Variants in SNTG1 observed in about 807,000 individuals in gnomAD.
SNTG1 encodes the protein gamma-1-syntrophin.
SNTG1 carries 39 observed loss-of-function variants against 74.7 expected under a neutral mutation model. That is an observed-to-expected ratio of 0.52 (90% CI 0.40 to 0.68). The LOEUF is 0.68. SNTG1 is among the 30% of genes least tolerant of loss of function. The pLI is 0.00. For missense variants in SNTG1, 685 were observed against 609.5 expected (o/e 1.12, Z -1.30); for synonymous variants, 254 against 217.1 (o/e 1.17, Z -1.49).
At chr8:50,457,759 G>T (rs959623917) in intron 8 of SNTG1, among the ~76,000 whole-genome samples, 1 of 152,178 alleles carries the variant, frequency 6.6e-6, no homozygotes, top group Admixed American at 6.5e-5. Context: ...GCGAATGGGA[G>T]TGTTGAAAGG....
At chr8:50,462,874 T>C (rs1307145532) in intron 8 of SNTG1, among the ~76,000 whole-genome samples, 2 of 138,042 alleles carry the variant, frequency 1.4e-5, no homozygotes, top group African/African-American at 5.5e-5. Context: ...TGGAGTGCAA[T>C]GACACGATCT....
At chr8:50,503,544 G>T (rs934299518) in intron 9 of SNTG1, among the ~76,000 whole-genome samples, 11 of 152,188 alleles carry the variant, frequency 7.2e-5, no homozygotes, top group African/African-American at 2.6e-4. Flanking sequence ...TAACAGCCCA[G>T]AAATGACTAC....
chr8:50,671,347 GA>G (rs1198317019), intron 15 of SNTG1, among the ~76,000 whole-genome samples: 1 of 151,438 alleles, frequency 6.6e-6, no homozygotes, highest in East Asian at 1.9e-4. Context: ...AAATTTACAA[GA>G]AAAAAACAAA....
chr8:50,428,875 GACC>G (rs2093197878), intron 4 of SNTG1, among the ~76,000 whole-genome samples: 1 of 151,874 alleles, frequency 6.6e-6, no homozygotes, highest in Non-Finnish European at 1.5e-5. Context: ...ACTTCCTTGG[GACC>G]AAGGACCCCA....
At chr8:50,491,690 A>G (rs1364683920) in intron 8 of SNTG1, among the ~76,000 whole-genome samples, 1 of 150,612 alleles carries the variant, frequency 6.6e-6, no homozygotes, top group Non-Finnish European at 1.5e-5. Context: ...GCTGTGATCC[A>G]GAACTTATTT....
rs571464050 is a variant in SNTG1 at position 50,545,294 on chromosome 8, A to G, written c.681-7756A>G. Among the ~76,000 whole-genome samples, 260 of 151,692 alleles carry G rather than the reference A, an allele frequency of 1.7e-3. 1 individual carries two copies. The highest frequency in any genetic ancestry group is 6.0e-3 in the African/African-American group (250 of 41,478). On this transcript the variant is annotated intron_variant, in intron 11 of 18. Transcript: ENST00000642720. ...TATTTATCATAATGTAATGACCCTG[A>G]TTCAGATATAAATATCTGCTTTAAA...
intron 1 of SNTG1, among the ~76,000 whole-genome samples, chr8:49,915,400 C>G (rs1805939231): frequency 6.6e-6 from 1 of 152,158 alleles, no homozygotes; most frequent in Admixed American, 6.6e-5. Context: ...AGGCACATCC[C>G]TTATACTTAA....
intron 18 of SNTG1, among the ~76,000 whole-genome samples, chr8:50,757,726 G>A (rs2131723662): frequency 6.6e-6 from 1 of 151,926 alleles, no homozygotes; most frequent in Admixed American, 6.6e-5. Context: ...TTATCCTTGT[G>A]AATTTATTGC....
intron 1 of SNTG1, among the ~76,000 whole-genome samples, chr8:50,019,291 A>C (rs1249011844): frequency 6.6e-6 from 1 of 152,098 alleles, no homozygotes; most frequent in Non-Finnish European, 1.5e-5. Context: ...GAAGAAAATG[A>C]TGTAAGTTCT....
intron 13 of SNTG1, among the ~76,000 whole-genome samples, chr8:50,656,074 G>A (rs2095178581): frequency 6.6e-6 from 1 of 152,088 alleles, no homozygotes; most frequent in African/African-American, 2.4e-5. Context: ...ATATCTAGGA[G>A]GAGGACTTAA....
chr8:50,139,913 T>A (rs1209457159), intron 1 of SNTG1, among the ~76,000 whole-genome samples: 1 of 152,240 alleles, frequency 6.6e-6, no homozygotes, highest in African/African-American at 2.4e-5. Flanking sequence ...AGCTCAGTAA[T>A]GTAGTTCAGT....
chr8:50,206,611 G>T (rs7837659), intron 2 of SNTG1, among the ~76,000 whole-genome samples: 3,343 of 152,218 alleles, frequency 0.022, 136 homozygotes, highest in African/African-American at 0.072. Flanking sequence ...ATTTTGACTA[G>T]GAGTGGTGAG....
intron 10 of SNTG1, among the ~76,000 whole-genome samples, chr8:50,536,142 A>G (rs1195058150): frequency 1.3e-5 from 2 of 152,206 alleles, no homozygotes; most frequent in Non-Finnish European, 2.9e-5. Context: ...TTTTATGAAC[A>G]TGAAGTTAGA....
chr8:50,301,211 G>A (rs1482014001), intron 2 of SNTG1, among the ~76,000 whole-genome samples: 1 of 151,962 alleles, frequency 6.6e-6, no homozygotes, highest in Non-Finnish European at 1.5e-5. Flanking sequence ...TTACACTCAT[G>A]TCATTATGCT....
chr8:50,603,455 A>G lies in SNTG1; in HGVS notation c.849+12538A>G, dbSNP rs576595190. On this transcript the variant is annotated intron_variant, in intron 13 of 18. Coordinates refer to ENST00000642720, the MANE Select transcript of SNTG1 (RefSeq NM_018967.5). ...CGCTTTGAGTTTCTTCAAACCAGCTACTTTGAATTTTCTTTGTGAAAGGTC... is the reference window on the plus strand; with the variant it reads ...CGCTTTGAGTTTCTTCAAACCAGCTGCTTTGAATTTTCTTTGTGAAAGGTC... Among the ~76,000 whole-genome samples, 21 of 152,266 alleles carry G rather than the reference A, an allele frequency of 1.4e-4. No homozygotes were observed. In the South Asian group the frequency reaches 3.1e-3, roughly 23 times the overall value.
At chr8:50,012,121 C>T (rs947600604) in intron 1 of SNTG1, among the ~76,000 whole-genome samples, 19 of 152,054 alleles carry the variant, frequency 1.2e-4, no homozygotes, top group African/African-American at 4.6e-4. Context: ...TTTTCACACA[C>T]ATGTTAATTT....
rs1201949165 is a variant in SNTG1 at position 50,172,655 on chromosome 8, A to G, written c.-28+20A>G. 6.6e-6 allele frequency: 1 copy of G among 152,134 alleles called. No individual in the cohort carries two copies. The highest frequency in any genetic ancestry group is 1.5e-5 in the Non-Finnish European group (1 of 68,030). 9.4% of individuals were successfully genotyped at this position (152,134 alleles called of 1,614,324 possible). ...ATTCAAGTAAGACCATTACTTTGCA[A>G]TAACGTATCATGTGTAAATTAGTGG... is the stretch of plus-strand genomic sequence containing the variant. On this transcript the variant is annotated intron_variant, in intron 2 of 18. Coordinates refer to ENST00000642720, the MANE Select transcript of SNTG1 (RefSeq NM_018967.5).
At chr8:50,570,092 AT>A (rs1045012307) in intron 12 of SNTG1, among the ~76,000 whole-genome samples, 2 of 151,972 alleles carry the variant, frequency 1.3e-5, no homozygotes, top group African/African-American at 4.8e-5. Flanking sequence ...CCGGAACTTA[AT>A]TTTTTTAACA....
chr8:50,529,454 G>T (rs746608904), intron 9 of SNTG1, among the ~76,000 whole-genome samples: 1 of 151,896 alleles, frequency 6.6e-6, no homozygotes, highest in Non-Finnish European at 1.5e-5. Flanking sequence ...TATTAATTGA[G>T]CGTCAATTAT....
Sources: allele counts gnomAD v4.1 joint callset (sites outside exome capture counted in the v4.1 genomes callset), GRCh38; gene constraint gnomAD v4.1.1; transcripts MANE v1.5; gene names NCBI Gene and HGNC (gene_info 2026-07-23, HGNC 2026-07-21).